Variants in ZNF804A observed in about 807,000 individuals in gnomAD.
The protein encoded by ZNF804A is zinc finger protein 804A.
A neutral mutation model predicts 16.5 loss-of-function variants in ZNF804A; 2 were observed. That is an observed-to-expected ratio of 0.12 (90% CI 0.05 to 0.38). The LOEUF (loss-of-function observed/expected upper bound fraction) is 0.38. ZNF804A is among the 10% of genes least tolerant of loss of function. The pLI is 0.99. For missense variants in ZNF804A, 1,473 were observed against 1,390.7 expected, an observed-to-expected ratio of 1.06 and a Z score of -0.94; for synonymous variants, 534 against 489.6, an observed-to-expected ratio of 1.09 and a Z score of -1.20.
chr2:184,816,744 G>C (rs1694989067), intron 1 of ZNF804A, among the ~76,000 whole-genome samples: 1 of 151,872 alleles, frequency 6.6e-6, no homozygotes, highest in Non-Finnish European at 1.5e-5. Flanking sequence ...TTTCTTGTTT[G>C]GGAGTATTTT....
intron 1 of ZNF804A, among the ~76,000 whole-genome samples, chr2:184,632,361 A>G (rs1691626544): frequency 6.6e-6 from 1 of 152,128 alleles, no homozygotes; most frequent in Non-Finnish European, 1.5e-5. Context: ...ATTCCACCAT[A>G]TTTGGTAACT....
intron 3 of ZNF804A, among the ~76,000 whole-genome samples, chr2:184,935,074 A>G (rs772608899): frequency 1.3e-5 from 2 of 152,160 alleles, no homozygotes; most frequent in African/African-American, 4.8e-5. Flanking sequence ...GTTTGTCAGT[A>G]TAGTTCTTTT....
chr2:184,772,993 G>GGTGT (rs921212178), intron 1 of ZNF804A, among the ~76,000 whole-genome samples: 2 of 141,958 alleles, frequency 1.4e-5, no homozygotes, highest in African/African-American at 5.2e-5. Flanking sequence ...GTGTGTGTGG[G>GGTGT]GTGTGTGTGT....
intron 1 of ZNF804A, among the ~76,000 whole-genome samples, chr2:184,670,731 T>G (rs1232389230): frequency 6.6e-6 from 1 of 152,172 alleles, no homozygotes; most frequent in Non-Finnish European, 1.5e-5. Context: ...CCATTCTATA[T>G]TGCACTCATA....
chr2:184,803,895 C>G (rs1694761779), intron 1 of ZNF804A, among the ~76,000 whole-genome samples: 1 of 151,948 alleles, frequency 6.6e-6, no homozygotes, highest in African/African-American at 2.4e-5. Context: ...TGGAGTCTCA[C>G]TCTGTCACCC....
intron 2 of ZNF804A, among the ~76,000 whole-genome samples, chr2:184,932,291 A>G (rs1685714838): frequency 6.6e-6 from 1 of 152,282 alleles, no homozygotes; most frequent in African/African-American, 2.4e-5. Context: ...TGCTGCCAGT[A>G]AAGACACATC....
chr2:184,747,513 T>C (rs1693808759), intron 1 of ZNF804A, among the ~76,000 whole-genome samples: 1 of 151,112 alleles, frequency 6.6e-6, no homozygotes, highest in Admixed American at 6.6e-5. Context: ...CACACCGTTA[T>C]GTATTTCATA....
intron 2 of ZNF804A, among the ~76,000 whole-genome samples, chr2:184,903,742 A>C (rs1685222788): frequency 6.6e-6 from 1 of 152,180 alleles, no homozygotes; most frequent in Admixed American, 6.5e-5. Context: ...TATGAAAAGC[A>C]GTACATAGTT....
rs139144994 is a variant in ZNF804A at position 184,734,932 on chromosome 2, A to G, written c.112-131437A>G. The stretch of plus-strand genomic sequence containing the variant: ...TTATGCAATGTCTCCCTTATCTCCA[A>G]TAACTTTTCTTGCCCTAAAGACTGC... On this transcript the variant is annotated intron_variant, in intron 1 of 3. Transcript: ENST00000302277. 2.0e-5 allele frequency among the ~76,000 whole-genome samples: 3 copies of G among 152,242 alleles called. No individual in the cohort carries two copies. The East Asian group carries it at 5.8e-4, about 29-fold the overall frequency.
chr2:184,856,969 C>G (rs1695699263), intron 1 of ZNF804A, among the ~76,000 whole-genome samples: 1 of 152,030 alleles, frequency 6.6e-6, no homozygotes, highest in Non-Finnish European at 1.5e-5. Context: ...TAGTCTTTCT[C>G]TCATTTGATT....
chr2:184,663,062 A>G (rs528935753), intron 1 of ZNF804A, among the ~76,000 whole-genome samples: 6 of 152,332 alleles, frequency 3.9e-5, no homozygotes, highest in African/African-American at 1.2e-4. Flanking sequence ...GACACTGGAT[A>G]CAGAGTGGGA....
intron 1 of ZNF804A, among the ~76,000 whole-genome samples, chr2:184,697,795 A>G (rs1692856466): frequency 6.6e-6 from 1 of 152,056 alleles, no homozygotes; most frequent in Non-Finnish European, 1.5e-5. Flanking sequence ...TAGGAACTTA[A>G]AATATAAAAT....
chr2:184,712,171 G>C (rs911765580), intron 1 of ZNF804A, among the ~76,000 whole-genome samples: 1 of 151,528 alleles, frequency 6.6e-6, no homozygotes, highest in Non-Finnish European at 1.5e-5. Context: ...CAGTGTCCAA[G>C]TCTTTCAACT....
chr2:184,649,958 T>C (rs1246889768), intron 1 of ZNF804A, among the ~76,000 whole-genome samples: 3 of 151,968 alleles, frequency 2.0e-5, no homozygotes, highest in Non-Finnish European at 4.4e-5. Context: ...TAACTAATTC[T>C]ATAAATCCAG....
chr2:184,701,199 C>T (rs958387594), intron 1 of ZNF804A, among the ~76,000 whole-genome samples: 4 of 151,654 alleles, frequency 2.6e-5, no homozygotes, highest in Admixed American at 1.3e-4. Context: ...GTGATTCAAC[C>T]CTTCTAAAAT....
chr2:184,692,636 G>C (rs571922384), intron 1 of ZNF804A, among the ~76,000 whole-genome samples: 27 of 152,132 alleles, frequency 1.8e-4, no homozygotes, highest in Admixed American at 1.6e-3. Context: ...TTCAAAGAAA[G>C]CTGTAGAATG....
At chr2:184,618,380 G>C (rs1691361881) in intron 1 of ZNF804A, among the ~76,000 whole-genome samples, 1 of 152,094 alleles carries the variant, frequency 6.6e-6, no homozygotes, top group South Asian at 2.1e-4. Context: ...TTGAACAGAA[G>C]CTAGTCAATT....
intron 2 of ZNF804A, among the ~76,000 whole-genome samples, chr2:184,884,662 C>A (rs1036982010): frequency 6.6e-6 from 1 of 151,758 alleles, no homozygotes; most frequent in Non-Finnish European, 1.5e-5. Flanking sequence ...CATGTACAAT[C>A]AATCTTCTTT....
chr2:184,863,077 A>G (rs926224180), intron 1 of ZNF804A, among the ~76,000 whole-genome samples: 4 of 152,192 alleles, frequency 2.6e-5, no homozygotes, highest in East Asian at 1.9e-4. Context: ...GGGATAGGAT[A>G]CAATAAATCA....
Sources: gnomAD v4.1 joint callset for allele counts (sites outside exome capture counted in the v4.1 genomes callset) on GRCh38, gnomAD v4.1.1 for gene constraint, MANE v1.5 for transcripts, NCBI Gene and HGNC (gene_info 2026-07-23, HGNC 2026-07-21) for gene names.